Variants in ATXN1 observed in about 807,000 individuals in gnomAD.
ATXN1 encodes ataxin-1.
In ATXN1, 8 loss-of-function variants were observed where a neutral mutation model predicts 56.4. The observed-to-expected ratio is 0.14, with a 90% CI of 0.08 to 0.26. ATXN1 has a LOEUF of 0.26. Ranked by LOEUF, ATXN1 falls within the 10% of genes least tolerant of loss-of-function variation. ATXN1 has a pLI of 1.00. For missense variants in ATXN1, 987 were observed against 1,106.5 expected, an observed-to-expected ratio of 0.89 and a Z score of 1.53; for synonymous variants, 514 against 494.6, an observed-to-expected ratio of 1.04 and a Z score of -0.52.
chr6:16,450,883 C>T (rs1759738946), intron 6 of ATXN1, among the ~76,000 whole-genome samples: 1 of 152,196 alleles, frequency 6.6e-6, no homozygotes, highest in South Asian at 2.1e-4. Flanking sequence ...CTCTTTCAGC[C>T]TCACTTTAGT....
chr6:16,575,892 G>A (rs1178425480), intron 4 of ATXN1, among the ~76,000 whole-genome samples: 1 of 152,162 alleles, frequency 6.6e-6, no homozygotes, highest in Non-Finnish European at 1.5e-5. Flanking sequence ...TGTACTGCTT[G>A]CTCTATAAAA....
intron 2 of ATXN1, among the ~76,000 whole-genome samples, chr6:16,698,872 C>T (rs1759222007): frequency 6.6e-6 from 1 of 152,174 alleles, no homozygotes. Flanking sequence ...CTTTAAAATT[C>T]TACGATTGTC....
chr6:16,432,396 T>C (rs1386856977), intron 6 of ATXN1, among the ~76,000 whole-genome samples: 1 of 152,230 alleles, frequency 6.6e-6, no homozygotes, highest in Non-Finnish European at 1.5e-5. Context: ...TTTTCATTGG[T>C]TTTGTAGAAC....
rs866833820 is a variant in ATXN1 at position 16,734,653 on chromosome 6, G to A, written c.-615+18580C>T. 1.2e-4 allele frequency among the ~76,000 whole-genome samples: 18 copies of A among 152,184 alleles called. No individual in the cohort carries two copies. The Middle Eastern group carries it at 0.014, about 115-fold the overall frequency. The stretch of plus-strand genomic sequence containing the variant: ...CTCCTGAGTAGCGGGGACCACAGGC[G>A]TGTGCTAATTTTTGTATTTTAGTAA... On this transcript the variant is annotated intron_variant, in intron 2 of 7. Coordinates refer to ENST00000436367, the MANE Select transcript of ATXN1 (RefSeq NM_001128164.2).
intron 5 of ATXN1, among the ~76,000 whole-genome samples, chr6:16,512,766 G>C (rs898571988): frequency 6.6e-6 from 1 of 152,184 alleles, no homozygotes; most frequent in African/African-American, 2.4e-5. Flanking sequence ...GCCAATGCCA[G>C]GAGCTACAGC....
chr6:16,638,530 G>C (rs929012580), intron 3 of ATXN1, among the ~76,000 whole-genome samples: 1 of 151,334 alleles, frequency 6.6e-6, no homozygotes. Context: ...GCAGGAGCGA[G>C]ACGCCTTGAC....
chr6:16,619,193 G>C (rs1763274302), intron 3 of ATXN1, among the ~76,000 whole-genome samples: 1 of 151,804 alleles, frequency 6.6e-6, no homozygotes, highest in Admixed American at 6.6e-5. Context: ...CTTTGTCATG[G>C]TTGGCAAGTG....
chr6:16,607,533 T>C (rs1434085908), intron 3 of ATXN1, among the ~76,000 whole-genome samples: 1 of 152,214 alleles, frequency 6.6e-6, no homozygotes, highest in Non-Finnish European at 1.5e-5. Flanking sequence ...AAATGGAATG[T>C]CAGTGTCTGG....
chr6:16,432,326 TATC>T (rs1463335968), intron 6 of ATXN1, among the ~76,000 whole-genome samples: 1 of 152,194 alleles, frequency 6.6e-6, no homozygotes, highest in African/African-American at 2.4e-5. Context: ...ATGCTGAGAA[TATC>T]ATCATGAAAT....
At chr6:16,498,663 T>A (rs918585680) in intron 5 of ATXN1, among the ~76,000 whole-genome samples, 1 of 152,316 alleles carries the variant, frequency 6.6e-6, no homozygotes, top group East Asian at 1.9e-4. Context: ...TTATTTTCCT[T>A]TTTTAAAAAA....
At chr6:16,566,648 T>C (rs1413186742) in intron 4 of ATXN1, among the ~76,000 whole-genome samples, 1 of 151,792 alleles carries the variant, frequency 6.6e-6, no homozygotes, top group Non-Finnish European at 1.5e-5. Context: ...GGTCAGGAGA[T>C]CAAGACCATC....
chr6:16,749,785 C>CAA (rs1760654777), intron 2 of ATXN1, among the ~76,000 whole-genome samples: 1 of 152,228 alleles, frequency 6.6e-6, no homozygotes, highest in Non-Finnish European at 1.5e-5. Flanking sequence ...TCCTGGGTGT[C>CAA]AAACTTTTTG....
intron 6 of ATXN1, among the ~76,000 whole-genome samples, chr6:16,346,605 G>A (rs998050027): frequency 7.9e-5 from 12 of 152,226 alleles, no homozygotes; most frequent in South Asian, 4.1e-4. Context: ...CGGGCTAACT[G>A]GCATTTGATA....
intron 3 of ATXN1, among the ~76,000 whole-genome samples, chr6:16,605,122 C>T (rs1037370815): frequency 6.6e-6 from 1 of 152,188 alleles, no homozygotes; most frequent in Non-Finnish European, 1.5e-5. Context: ...ACGTGAACTG[C>T]TTCCACTAAT....
chr6:16,500,622 T>C (rs1164941911), intron 5 of ATXN1, among the ~76,000 whole-genome samples: 2 of 151,844 alleles, frequency 1.3e-5, no homozygotes, highest in East Asian at 3.9e-4. Flanking sequence ...ATATCTGAAT[T>C]GAGAAACATA....
intron 3 of ATXN1, among the ~76,000 whole-genome samples, chr6:16,589,304 A>G (rs1011711761): frequency 1.3e-5 from 2 of 152,110 alleles, no homozygotes; most frequent in African/African-American, 2.4e-5. Flanking sequence ...GGCAAGAAAG[A>G]GGTATCCCCT....
chr6:16,592,998 T>C (rs1253633783), intron 3 of ATXN1, among the ~76,000 whole-genome samples: 1 of 152,166 alleles, frequency 6.6e-6, no homozygotes, highest in Non-Finnish European at 1.5e-5. Context: ...CCCTGCTGAT[T>C]GGTCCATTTT....
intron 2 of ATXN1, among the ~76,000 whole-genome samples, chr6:16,740,530 T>C (rs1164763291): frequency 1.3e-5 from 2 of 152,210 alleles, no homozygotes; most frequent in Non-Finnish European, 2.9e-5. Flanking sequence ...GAGATCAATT[T>C]GATTTCCTGA....
chr6:16,580,442 G>T (rs1259380200), intron 4 of ATXN1, among the ~76,000 whole-genome samples: 3 of 152,176 alleles, frequency 2.0e-5, no homozygotes, highest in African/African-American at 7.2e-5. Flanking sequence ...GAGTAGTATG[G>T]TTTGCCAACA....
Sources: gnomAD v4.1 joint callset for allele counts (sites outside exome capture counted in the v4.1 genomes callset) on GRCh38, gnomAD v4.1.1 for gene constraint, MANE v1.5 for transcripts, NCBI Gene and HGNC (gene_info 2026-07-23, HGNC 2026-07-21) for gene names.